Variants in ZMYND19 observed in about 807,000 individuals in gnomAD.
ZMYND19 encodes zinc finger MYND domain-containing protein 19.
In ZMYND19, 17 loss-of-function variants were observed where a neutral mutation model predicts 32.0. The observed-to-expected ratio is 0.53, with a 90% CI of 0.36 to 0.80. ZMYND19 has a LOEUF of 0.80. Among genes scored for constraint, ZMYND19 ranks in the 30% least tolerant of loss-of-function variants. The probability of loss-of-function intolerance (pLI) is 0.00; values close to 1 mark genes in which losing one functional copy is unlikely to be tolerated. For synonymous variants in ZMYND19, 124 were observed against 113.6 expected (o/e 1.09, Z -0.58); for missense variants, 250 against 293.6 (o/e 0.85, Z 1.09).
Position 137,585,543 on chromosome 9 carries a change from G to C in ZMYND19, c.359+1424C>G, listed in dbSNP as rs191335320. 4.0e-3 allele frequency among the ~76,000 whole-genome samples: 595 copies of C among 150,518 alleles called. 5 individuals carry two copies. Among genetic ancestry groups the C allele is most frequent in the Non-Finnish European group, 6.2e-3 (421 of 67,552 alleles). Reference sequence around the variant, plus strand: ...AATTTAATGAAATAAACAGAGCAGGGAAAAAAAAACACCAGCCCAACAAGA... The same window carrying C: ...AATTTAATGAAATAAACAGAGCAGGCAAAAAAAAACACCAGCCCAACAAGA... On this transcript the variant is annotated intron_variant, in intron 4 of 5. Transcript: ENST00000298585.
chr9:137,586,248 G>T (rs1426614582), intron 4 of ZMYND19, among the ~76,000 whole-genome samples: 1 of 152,212 alleles, frequency 6.6e-6, no homozygotes, highest in Non-Finnish European at 1.5e-5. Flanking sequence ...TGTGTGCACA[G>T]AAAAGAATCC....
Position 137,588,642 on chromosome 9 carries a change from C to A in ZMYND19, c.111+17G>T. 6.2e-7 allele frequency: 1 copy of A among 1,614,042 alleles called. No individual in the cohort carries two copies. The highest frequency in any genetic ancestry group is 8.5e-7 in the Non-Finnish European group (1 of 1,179,886). On this transcript the variant is annotated intron_variant, in intron 2 of 5. Coordinates refer to ENST00000298585, the MANE Select transcript of ZMYND19 (RefSeq NM_138462.3). ...TGACCACGAGCATCAGGGGAGGGAACAGCCATCCTTACTTACCTCAAAGGA... is the reference window on the plus strand; with the variant it reads ...TGACCACGAGCATCAGGGGAGGGAAAAGCCATCCTTACTTACCTCAAAGGA...
chr9:137,586,307 G>A (rs1361460987), intron 4 of ZMYND19, among the ~76,000 whole-genome samples: 1 of 151,242 alleles, frequency 6.6e-6, no homozygotes, highest in African/African-American at 2.4e-5. Context: ...GAGAAGGAAG[G>A]AATCCTGAGG....
At chr9:137,584,211 C>T (rs1418153813) in intron 4 of ZMYND19, among the ~76,000 whole-genome samples, 1 of 152,262 alleles carries the variant, frequency 6.6e-6, no homozygotes, top group African/African-American at 2.4e-5. Context: ...TTCTAAAACC[C>T]CATGTTGGCA....
intron 1 of ZMYND19, 110 bp from the exon 2 acceptor site, chr9:137,588,828 AAGT>A: frequency 7.8e-7 from 1 of 1,276,518 alleles, no homozygotes; most frequent in African/African-American, 1.5e-5. Context: ...GTGAAGTGGA[AAGT>A]AACTACAGGC....
At chr9:137,586,921 T>C in intron 4 of ZMYND19, 46 bp downstream of exon 4, 2 of 1,607,752 alleles carry the variant, frequency 1.2e-6, no homozygotes, top group Non-Finnish European at 1.7e-6. Context: ...GTGGCCCTCC[T>C]CAAAAGGCGC....
chr9:137,589,700 T>C (rs1842248430), intron 1 of ZMYND19: 1 of 985,438 alleles, frequency 1.0e-6, no homozygotes, highest in Non-Finnish European at 1.2e-6. Context: ...GGCCAACCCC[T>C]GGCAGCGTTA....
At chr9:137,586,889 CT>C (rs1842210972) in intron 4 of ZMYND19, 77 bp downstream of exon 4, 6 of 1,588,180 alleles carry the variant, frequency 3.8e-6, no homozygotes, top group Non-Finnish European at 5.1e-6. Context: ...AGGAGACCCT[CT>C]TGGAAACAAG....
chr9:137,589,278 A>C lies in ZMYND19; in HGVS notation c.52-560T>G, dbSNP rs1233268709. The C allele has an allele frequency of 4.1e-6, 4 of 970,258 alleles. No individual in the cohort carries two copies. The African/African-American group carries it at 7.0e-5, about 17-fold the overall frequency. 60.1% of individuals were successfully genotyped at this position (970,258 alleles called of 1,614,324 possible). A position where few individuals can be genotyped will look rare whatever the true frequency, so the allele number is the denominator to read the frequency against. On this transcript the variant is annotated intron_variant, in intron 1 of 5. Transcript: ENST00000298585. ...GGAGAGCCCACCCTTCCCTGGTGGA[A>C]AAAAGCCTCCTCCCCAGCAGGCCCT...
chr9:137,590,248 A>G lies in ZMYND19; in HGVS notation c.16T>C (p.Leu6=), dbSNP rs1842258013. 3 of 1,154,394 alleles carry G rather than the reference A, an allele frequency of 2.6e-6. No individual in the cohort carries two copies. Among genetic ancestry groups the G allele is most frequent in the Non-Finnish European group, 3.3e-6 (3 of 922,154 alleles). 71.5% of individuals were successfully genotyped at this position (1,154,394 alleles called of 1,614,324 possible). The part of the protein sequence containing the change: MTDFK[L]GIVRLGRVAG... ...ACCCGGCCGAGCCGCACGATACCCA[A>G]TTTGAAGTCGGTCATGGCCGGGCCT... Residue 6 remains leucine (L), a synonymous_variant, in exon 1 of 6, where the codon TTG becomes CTG. Transcript: ENST00000298585. The surrounding 1 kb of genome is among the most constrained non-coding windows in gnomAD (Gnocchi z 4.2).
chr9:137,587,096 C>T lies in ZMYND19; in HGVS notation c.230G>A (p.Arg77Gln). ...LLHELLWERHRGGVAPGFQVV... is the reference protein window; with the variant it reads ...LLHELLWERHQGGVAPGFQVV... Reference sequence around the variant, plus strand: ...CTGGAAGCCCGGGGCCACGCCCCCCCGGTGCCGCTCCCTAGAAACAGACAG... The same window carrying T: ...CTGGAAGCCCGGGGCCACGCCCCCCTGGTGCCGCTCCCTAGAAACAGACAG... The change falls in exon 4 of 6, where the codon CGG becomes CAG. Residue 77 changes from arginine (R) to glutamine (Q), a missense_variant. Physicochemically the swap from Arg to Gln is conservative, Grantham distance 43. Around this residue, in one of 2 missense-constraint regions of ZMYND19, gnomAD observed 212 missense variants for 218.8 expected, o/e 0.97. Transcript: ENST00000298585. 4.4e-6 allele frequency: 7 copies of T among 1,605,618 alleles called. No homozygotes were observed. Among genetic ancestry groups the T allele is most frequent in the Admixed American group, 1.7e-5 (1 of 60,008 alleles).
Position 137,582,411 on chromosome 9 carries a change from C to A in ZMYND19, c.*132G>T, listed in dbSNP as rs554644714. ...TAACCACACAGACTGCCTGTGACAT[C>A]GGGAGTCTCACGGCAGCTGTCCTGG... On this transcript the variant is annotated 3_prime_UTR_variant, in exon 6 of 6. Transcript: ENST00000298585. 1 of 1,297,504 alleles carries A rather than the reference C, an allele frequency of 7.7e-7. No homozygotes were observed. Among genetic ancestry groups the A allele is most frequent in the Non-Finnish European group, 1.0e-6 (1 of 956,462 alleles). The allele number at this position is 1,297,504 out of a possible 1,614,324, so 80.4% of individuals were successfully genotyped here.
intron 5 of ZMYND19, 30 bp from the exon 6 acceptor site, chr9:137,582,716 A>C (rs1226432787): frequency 1.2e-6 from 2 of 1,607,252 alleles, no homozygotes; most frequent in Non-Finnish European, 1.7e-6. Flanking sequence ...TGGCTTCACC[A>C]TCATGCCTGG....
At chr9:137,586,830 C>T in intron 4 of ZMYND19, 137 bp downstream of exon 4, 1 of 1,229,748 alleles carries the variant, frequency 8.1e-7, no homozygotes, top group Non-Finnish European at 1.1e-6. Context: ...TGGGGAAAAA[C>T]AATGAAATTC....
chr9:137,583,241 T>C (rs762602701), intron 4 of ZMYND19, 78 bp from the exon 5 acceptor site: 51 of 1,516,554 alleles, frequency 3.4e-5, no homozygotes, highest in Admixed American at 7.1e-5. Context: ...AATGACTCCA[T>C]AGAGTGCCAT....
chr9:137,590,037 G>C lies in ZMYND19; in HGVS notation c.51+176C>G, dbSNP rs1207556765. ...GGTGCGTGCCCGCCGGCCTGCGAGA[G>C]GAAGCTGCACCCGCGCGGGGCCAGC... On this transcript the variant is annotated intron_variant, in intron 1 of 5. Coordinates refer to ENST00000298585, the MANE Select transcript of ZMYND19 (RefSeq NM_138462.3). The surrounding 1 kb of genome is among the most constrained non-coding windows in gnomAD (Gnocchi z 4.2). The C allele has an allele frequency of 1.0e-6, 1 of 984,614 alleles. No individual in the cohort carries two copies. Among genetic ancestry groups the C allele is most frequent in the East Asian group, 1.1e-4 (1 of 8,774 alleles). The allele number at this position is 984,614 out of a possible 1,614,324, so 61.0% of individuals were successfully genotyped here.
rs1320438773 is a variant in ZMYND19 at position 137,588,195 on chromosome 9, C to A, written c.112-372G>T. ...ATAAAGGATGGTGAGGGAGGCCAAG[C>A]TCAGCGGCAGGAATGGAAGCTGGGA... is the stretch of plus-strand genomic sequence containing the variant. On this transcript the variant is annotated intron_variant, in intron 2 of 5. Coordinates refer to ENST00000298585, the MANE Select transcript of ZMYND19 (RefSeq NM_138462.3). Among the ~76,000 whole-genome samples, 5 of 152,334 alleles carry A rather than the reference C, an allele frequency of 3.3e-5. No individual in the cohort carries two copies. In the East Asian group the frequency reaches 9.6e-4, roughly 29 times the overall value.
rs1340673883 is a variant in ZMYND19, at chr9:137,589,373, G to A, written c.52-655C>T. On this transcript the variant is annotated intron_variant, in intron 1 of 5. Coordinates refer to ENST00000298585, the MANE Select transcript of ZMYND19 (RefSeq NM_138462.3). ...GAACGGGCCAGTCTCCCTCTTGGCAGTTTTTCTTCTGGGATCTGAACCTGT... is the reference window on the plus strand; with the variant it reads ...GAACGGGCCAGTCTCCCTCTTGGCAATTTTTCTTCTGGGATCTGAACCTGT... The A allele has an allele frequency of 4.1e-6, 4 of 985,442 alleles. No homozygotes were observed. In the East Asian group the frequency reaches 4.5e-4, roughly 112 times the overall value. 61.0% of individuals were successfully genotyped at this position (985,442 alleles called of 1,614,324 possible). A position where few individuals can be genotyped will look rare whatever the true frequency, so the allele number is the denominator to read the frequency against.
intron 4 of ZMYND19, among the ~76,000 whole-genome samples, chr9:137,586,746 A>G (rs67089520): frequency 0.24 from 35,875 of 152,174 alleles, 4,487 homozygotes; most frequent in Admixed American, 0.35. Flanking sequence ...AGCCAATTAT[A>G]AGAGGAGCAA....
Sources: gnomAD v4.1 joint callset for allele counts (sites outside exome capture counted in the v4.1 genomes callset) on GRCh38, gnomAD v4.1.1 for gene constraint, gnomAD v4.1.1 regional missense constraint, Gnocchi (gnomAD v3.1) non-coding constraint, MANE v1.5 for transcripts, NCBI Gene and HGNC (gene_info 2026-07-23, HGNC 2026-07-21) for gene names.